Variants in DNHD1 observed in about 807,000 individuals in gnomAD.
The protein encoded by DNHD1 is dynein heavy chain domain-containing protein 1.
Under a neutral mutation model 458.1 loss-of-function variants are expected in DNHD1, and 383 were observed. The ratio of observed to expected loss-of-function variants is 0.84; its 90% CI spans 0.77 to 0.91. The LOEUF (loss-of-function observed/expected upper bound fraction) is 0.91. Among genes scored for constraint, DNHD1 ranks in the 40% least tolerant of loss-of-function variants. The pLI is 0.00. For synonymous variants in DNHD1, 2,203 were observed against 2,376.9 expected, an observed-to-expected ratio of 0.93 and a Z score of 2.13; for missense variants, 5,336 against 5,866.1, an observed-to-expected ratio of 0.91 and a Z score of 2.95.
Position 6,570,681 on chromosome 11 carries a change from C to T in DNHD1, c.13169C>T (p.Pro4390Leu), listed in dbSNP as rs761505435. 5.6e-6 allele frequency: 9 copies of T among 1,611,956 alleles called. No individual in the cohort carries two copies. In the South Asian group the frequency reaches 7.7e-5, roughly 14 times the overall value. The change falls in exon 42 of 43, where the codon CCT (proline) becomes CTT (leucine). Residue 4390 changes from proline to leucine, a missense_variant. Around this residue, in one of 4 missense-constraint regions of DNHD1, gnomAD observed 698 missense variants for 664.9 expected, o/e 1.05. Coordinates refer to ENST00000254579, the MANE Select transcript of DNHD1 (RefSeq NM_144666.3). Reference sequence around the variant, plus strand: ...CAGATGCACCTACTGCCCTCACCACCTGAACCCCGGCTCTGCGGACTGAGT... The same window carrying T: ...CAGATGCACCTACTGCCCTCACCACTTGAACCCCGGCTCTGCGGACTGAGT... ...KAQMHLLPSP[P>L]EPRLCGLSEG...
rs537346952 is a variant in DNHD1, at chr11:6,512,357, A to T, written c.1392+928A>T. Among the ~76,000 whole-genome samples, 13 of 150,658 alleles carry T rather than the reference A, an allele frequency of 8.6e-5. No homozygotes were observed. The East Asian group carries it at 1.4e-3, about 16-fold the overall frequency. ...TGCCTCAGCCTCCCAAGTAGCTGGG[A>T]CTACAGGCACCCACCACCATGCCCG... On this transcript the variant is annotated intron_variant, in intron 7 of 42. Coordinates refer to ENST00000254579, the MANE Select transcript of DNHD1 (RefSeq NM_144666.3).
At chr11:6,528,114 GATC>G in intron 10 of DNHD1, among the ~76,000 whole-genome samples, 1 of 152,324 alleles carries the variant, frequency 6.6e-6, no homozygotes, top group South Asian at 2.1e-4. Flanking sequence ...CCGTTCTGTG[GATC>G]ATAGCAGAGG....
rs142271079 is a variant in DNHD1 at position 6,555,019 on chromosome 11, G to A, written c.7388-1664G>A. Among the ~76,000 whole-genome samples, 512 of 152,294 alleles carry A rather than the reference G, an allele frequency of 3.4e-3. 2 individuals are homozygous for A. Among genetic ancestry groups the A allele is most frequent in the African/African-American group, 0.012 (494 of 41,578 alleles). ...CTCCACCCAAATGGCTCCAGGTGGT[G>A]GCAAGAGATAAGAGTTTAGAAGCGC... On this transcript the variant is annotated intron_variant, in intron 24 of 42. Coordinates refer to ENST00000254579, the MANE Select transcript of DNHD1 (RefSeq NM_144666.3).
intron 24 of DNHD1, among the ~76,000 whole-genome samples, chr11:6,554,460 C>T (rs537309027): frequency 6.9e-4 from 105 of 152,108 alleles, no homozygotes; most frequent in Non-Finnish European, 1.3e-3. Context: ...AAATTGAAAA[C>T]CTATGCCCTT....
chr11:6,534,133 C>T lies in DNHD1; in HGVS notation c.2958C>T (p.Ser986=), dbSNP rs555478816. 5.5e-5 allele frequency: 85 copies of T among 1,551,244 alleles called. 1 individual carries two copies. In the Middle Eastern group the frequency reaches 5.5e-3, roughly 101 times the overall value. Residue 986 remains serine (S), a synonymous_variant, in exon 14 of 43, where the codon AGC becomes AGT. Coordinates refer to ENST00000254579, the MANE Select transcript of DNHD1 (RefSeq NM_144666.3). ...SLERQFQNTV[S]DLSELHHAYA... Reference sequence around the variant, plus strand: ...AGCGTCAGTTCCAGAACACAGTCAGCGACCTCAGTGAACTGCACCACGCCT... The same window carrying T: ...AGCGTCAGTTCCAGAACACAGTCAGTGACCTCAGTGAACTGCACCACGCCT...
At position 6,568,556 on chromosome 11, in the gene DNHD1, A is replaced by G. The variant is rs1232780173; in HGVS notation, c.12641A>G (p.Glu4214Gly). 9 of 1,613,880 alleles carry G rather than the reference A, an allele frequency of 5.6e-6. No individual in the cohort carries two copies. Among genetic ancestry groups the G allele is most frequent in the African/African-American group, 5.3e-5 (4 of 74,926 alleles). Residue 4214 changes from glutamate to glycine, a missense_variant, in exon 38 of 43, where the codon GAG (glutamate) becomes GGG (glycine). This residue lies in a region of DNHD1 where 695 missense variants were observed against 804.2 expected (regional missense o/e 0.86). Transcript: ENST00000254579. ...CGTCTTTGGCTTATTGTGCCTGCAGAGTCTAGTGCTTCTTTGCCAGGTGAG... is the reference window on the plus strand; with the variant it reads ...CGTCTTTGGCTTATTGTGCCTGCAGGGTCTAGTGCTTCTTTGCCAGGTGAG... ...DFRLWLIVPA[E>G]SSASLPAVLT...
chr11:6,520,540 A>C (rs1413558709), intron 10 of DNHD1: 13 of 1,333,622 alleles, frequency 9.7e-6, no homozygotes, highest in Non-Finnish European at 1.2e-5. Flanking sequence ...GTGTGAGTAC[A>C]TTGTCCTTCC....
At position 6,518,203 on chromosome 11, in the gene DNHD1, A is replaced by C. The variant is rs1312779500; in HGVS notation, c.1393-1397A>C. On this transcript the variant is annotated intron_variant, in intron 7 of 42. Coordinates refer to ENST00000254579, the MANE Select transcript of DNHD1 (RefSeq NM_144666.3). ...CCTCCCGAGTAGCTGGGACTACAGC[A>C]GTTGATACCGCCACGCCTGGCTAAT... Among the ~76,000 whole-genome samples, 4 of 152,118 alleles carry C rather than the reference A, an allele frequency of 2.6e-5. No homozygotes were observed. In the East Asian group the frequency reaches 7.7e-4, roughly 29 times the overall value.
chr11:6,499,690 C>T (rs12272600), intron 3 of DNHD1, among the ~76,000 whole-genome samples: 41,271 of 151,772 alleles, frequency 0.27, 6,186 homozygotes, highest in Non-Finnish European at 0.34. Context: ...GCCTCAGCCT[C>T]CTGAGTAGCT....
intron 12 of DNHD1, among the ~76,000 whole-genome samples, chr11:6,531,879 A>C (rs1341706098): frequency 6.6e-6 from 1 of 152,132 alleles, no homozygotes; most frequent in African/African-American, 2.4e-5. Context: ...TTTTATAAAC[A>C]TATATTTTTA....
intron 10 of DNHD1, 116 bp from the exon 11 acceptor site, chr11:6,528,406 T>G (rs796602436): frequency 5.3e-5 from 24 of 456,312 alleles, no homozygotes; most frequent in African/African-American, 3.4e-4. Context: ...AGCGAATGGG[T>G]GTGTGTGTGT....
In DNHD1 at chr11:6,566,369, C is replaced by A; in HGVS notation, c.11182C>A (p.Leu3728Ile). 6.4e-7 allele frequency: 1 copy of A among 1,558,170 alleles called. No homozygotes were observed. Among genetic ancestry groups the A allele is most frequent in the Non-Finnish European group, 8.7e-7 (1 of 1,150,764 alleles). Reference protein sequence around the residue: ...PGFCLYLSTTLSLCAMEKVLG... With the variant: ...PGFCLYLSTTISLCAMEKVLG... Reference sequence around the variant, plus strand: ...CTTCTGTCTGTATCTCAGCACCACCCTCTCCCTCTGTGCCATGGAAAAAGG... The same window carrying A: ...CTTCTGTCTGTATCTCAGCACCACCATCTCCCTCTGTGCCATGGAAAAAGG... The change falls in exon 34 of 43, where the codon CTC becomes ATC. Residue 3728 changes from leucine (L) to isoleucine (I), a missense_variant. Transcript: ENST00000254579.
In DNHD1 at chr11:6,519,667, G is replaced by T. The variant is rs201950458; in HGVS notation, c.1460G>T (p.Arg487Met). ...CGAGTACAAAACTGTGACAGGATCA[G>T]GACAGGCCAAGGCTCCATATACCTT... ...QERVQNCDRIRTGQGSIYLQR... is the reference protein window; with the variant it reads ...QERVQNCDRIMTGQGSIYLQR... Residue 487 changes from arginine to methionine, a missense_variant, in exon 8 of 43, where the codon AGG becomes ATG. Arg to Met is a moderately conservative substitution (Grantham distance 91). This residue lies in a region of DNHD1 where 3,932 missense variants were observed against 4,365.6 expected (regional missense o/e 0.90). Coordinates refer to ENST00000254579, the MANE Select transcript of DNHD1 (RefSeq NM_144666.3). 2.5e-6 allele frequency: 4 copies of T among 1,614,052 alleles called. No individual in the cohort carries two copies. The African/African-American group carries it at 5.3e-5, about 22-fold the overall frequency.
intron 18 of DNHD1, 33 bp from the exon 19 acceptor site, chr11:6,544,088 A>T: frequency 3.9e-6 from 6 of 1,549,786 alleles, no homozygotes; most frequent in Non-Finnish European, 4.4e-6. Flanking sequence ...CCCTTGCCTC[A>T]TCTGACTGCC....
Position 6,544,630 on chromosome 11 carries a change from G to T in DNHD1, c.3811G>T (p.Val1271Phe), listed in dbSNP as rs1215834429. ...GCAGAAGTGGATTTTTCTGAATAAA[G>T]TTCTGCATGAGATGAAGATCCAGTT... Reference protein sequence around the residue: ...FQQKWIFLNKVLHEMKIQFPN... With the variant: ...FQQKWIFLNKFLHEMKIQFPN... Residue 1271 changes from valine to phenylalanine, a missense_variant, in exon 20 of 43, where the codon GTT becomes TTT. Physicochemically the swap from Val to Phe is conservative, Grantham distance 50. Around this residue, in one of 4 missense-constraint regions of DNHD1, gnomAD observed 3,932 missense variants for 4,365.6 expected, o/e 0.90. Coordinates refer to ENST00000254579, the MANE Select transcript of DNHD1 (RefSeq NM_144666.3). 1 of 1,551,476 alleles carries T rather than the reference G, an allele frequency of 6.4e-7. No individual in the cohort carries two copies. Among genetic ancestry groups the T allele is most frequent in the Admixed American group, 2.0e-5 (1 of 50,988 alleles).
In DNHD1 at chr11:6,571,043, A is replaced by C. The variant is rs1446659659; in HGVS notation, c.13531A>C (p.Lys4511Gln). The C allele has an allele frequency of 6.3e-7, 1 of 1,581,154 alleles. No homozygotes were observed. The highest frequency in any genetic ancestry group is 1.3e-5 in the African/African-American group (1 of 74,420). The change falls in exon 42 of 43, where the codon AAG becomes CAG. Residue 4511 changes from lysine to glutamine, a missense_variant. Around this residue, in one of 4 missense-constraint regions of DNHD1, gnomAD observed 698 missense variants for 664.9 expected, o/e 1.05. Transcript: ENST00000254579. The surrounding 1 kb of genome is among the most constrained non-coding windows in gnomAD (Gnocchi z 5.0). Reference protein sequence around the residue: ...RDLDCLLQQLKGAPPCPSRRC... With the variant: ...RDLDCLLQQLQGAPPCPSRRC... ...CCTTGATTGCCTGTTGCAGCAGCTG[A>C]AGGGCGCACCCCCGTGCCCCTCCCG...
In DNHD1 at chr11:6,568,155, T is replaced by C; in HGVS notation, c.12451T>C (p.Trp4151Arg). The change falls in exon 37 of 43, where the codon TGG becomes CGG. Residue 4151 changes from tryptophan to arginine, a missense_variant. Trp to Arg is a moderately radical substitution (Grantham distance 101, BLOSUM62 -3). This residue lies in a region of DNHD1 where 695 missense variants were observed against 804.2 expected (regional missense o/e 0.86). Transcript: ENST00000254579. ...TLSQAMYEGH[W>R]LVLDNCHLMP... ...ATCCCAGGCTATGTATGAGGGGCAC[T>C]GGCTGGTGCTGGACAACTGTCATCT... 1 of 1,555,686 alleles carries C rather than the reference T, an allele frequency of 6.4e-7. No homozygotes were observed.
At chr11:6,510,145 G>A (rs865968856) in intron 6 of DNHD1, among the ~76,000 whole-genome samples, 9 of 151,610 alleles carry the variant, frequency 5.9e-5, no homozygotes, top group African/African-American at 9.7e-5. Context: ...GTACAATGGC[G>A]CGATTTCGGC....
At position 6,502,890 on chromosome 11, in the gene DNHD1, T is replaced by A; in HGVS notation, c.884T>A (p.Phe295Tyr). 6.2e-7 allele frequency: 1 copy of A among 1,613,680 alleles called. No homozygotes were observed. Among genetic ancestry groups the A allele is most frequent in the Non-Finnish European group, 8.5e-7 (1 of 1,179,834 alleles). Reference sequence around the variant, plus strand: ...GAGAGATACCTGAAGAAGATCCACTTCCTCTATCTCAATGTGGCTCCCAGC... The same window carrying A: ...GAGAGATACCTGAAGAAGATCCACTACCTCTATCTCAATGTGGCTCCCAGC... ...KMERYLKKIH[F>Y]LYLNVAPSRY... is the part of the protein sequence containing the mutation. The change falls in exon 4 of 43, where the codon TTC (phenylalanine) becomes TAC (tyrosine). Residue 295 changes from phenylalanine to tyrosine, a missense_variant. Around this residue, in one of 4 missense-constraint regions of DNHD1, gnomAD observed 3,932 missense variants for 4,365.6 expected, o/e 0.90. Transcript: ENST00000254579.
Sources: gnomAD v4.1 joint callset for allele counts (sites outside exome capture counted in the v4.1 genomes callset) on GRCh38, gnomAD v4.1.1 for gene constraint, gnomAD v4.1.1 regional missense constraint, Gnocchi (gnomAD v3.1) non-coding constraint, MANE v1.5 for transcripts, NCBI Gene and HGNC (gene_info 2026-07-23, HGNC 2026-07-21) for gene names.